Variants in WFDC10B observed in about 807,000 individuals in gnomAD.
WFDC10B encodes the protein WAP four-disulfide core domain 10B, also known as protein WFDC10B.
A neutral mutation model predicts 2.7 loss-of-function variants in WFDC10B; 1 was observed. The observed-to-expected ratio is 0.38, with a 90% CI of 0.13 to 1.79. The LOEUF (loss-of-function observed/expected upper bound fraction) is 1.79. Among genes scored for constraint, WFDC10B ranks in the 40% most tolerant of loss-of-function variants. The pLI is 0.33. For missense variants in WFDC10B, 71 were observed against 87.8 expected (o/e 0.81, Z 0.76); for synonymous variants, 26 against 32.2 (o/e 0.81, Z 0.65).
chr20:45,685,662 T>C (rs1381199505), intron 3 of WFDC10B, among the ~76,000 whole-genome samples: 1 of 152,242 alleles, frequency 6.6e-6, no homozygotes, highest in Non-Finnish European at 1.5e-5. Flanking sequence ...CATTTGTCTC[T>C]AAGTACTGGG....
At chr20:45,691,169 G>A (rs1983800383) in intron 2 of WFDC10B, among the ~76,000 whole-genome samples, 1 of 152,162 alleles carries the variant, frequency 6.6e-6, no homozygotes, top group Admixed American at 6.5e-5. Context: ...TTAATGCTGA[G>A]TTCTAGTTTG....
At chr20:45,704,167 T>C (rs903727686) in intron 2 of WFDC10B, among the ~76,000 whole-genome samples, 1 of 152,146 alleles carries the variant, frequency 6.6e-6, no homozygotes, top group African/African-American at 2.4e-5. Context: ...CCATAGTCAA[T>C]GGGGGCTTGG....
intron 2 of WFDC10B, among the ~76,000 whole-genome samples, chr20:45,693,298 G>T (rs935393097): frequency 1.3e-5 from 2 of 152,242 alleles, no homozygotes; most frequent in African/African-American, 4.8e-5. Context: ...CACTTGAGGA[G>T]GCAGTCTGCC....
chr20:45,691,765 C>T (rs1983820808), intron 2 of WFDC10B, among the ~76,000 whole-genome samples: 1 of 152,172 alleles, frequency 6.6e-6, no homozygotes, highest in Non-Finnish European at 1.5e-5. Flanking sequence ...GAATACAACA[C>T]ACTGATGGGT....
chr20:45,704,444 A>G (rs754205891), intron 2 of WFDC10B, 53 bp downstream of exon 2: 62 of 1,612,826 alleles, frequency 3.8e-5, no homozygotes, highest in Non-Finnish European at 5.2e-5. Flanking sequence ...TGTGTTCCAG[A>G]GTATATCTTG....
chr20:45,702,248 A>T, intron 2 of WFDC10B: 2 of 1,582,992 alleles, frequency 1.3e-6, no homozygotes, highest in Non-Finnish European at 1.7e-6. Context: ...GGGAAGTAAC[A>T]TGTGTGGATA....
chr20:45,684,730 C>CT lies in WFDC10B; in HGVS notation c.*99dup. 4 of 1,511,666 alleles carry CT rather than the reference C, an allele frequency of 2.6e-6. No individual in the cohort carries two copies. The highest frequency in any genetic ancestry group is 3.6e-6 in the Non-Finnish European group (4 of 1,112,588). 93.6% of individuals were successfully genotyped at this position (1,511,666 alleles called of 1,614,324 possible). A position where few individuals can be genotyped will look rare whatever the true frequency, so the allele number is the denominator to read the frequency against. On this transcript the variant is annotated 3_prime_UTR_variant, in exon 4 of 4. Transcript: ENST00000330523. Reference sequence around the variant, plus strand: ...GGAGGGTGGCATTCCTGTTGATGTTCTTGTGCTGATGATTTGATGTCCTTG... The same window carrying CT: ...GGAGGGTGGCATTCCTGTTGATGTTCTTTGTGCTGATGATTTGATGTCCTTG...
intron 2 of WFDC10B, among the ~76,000 whole-genome samples, chr20:45,688,189 G>A (rs1363644689): frequency 6.6e-6 from 1 of 151,792 alleles, no homozygotes; most frequent in Non-Finnish European, 1.5e-5. Flanking sequence ...CCATGTCCCT[G>A]CAAAGGACAT....
At chr20:45,698,739 G>A (rs1984051594) in intron 2 of WFDC10B, among the ~76,000 whole-genome samples, 1 of 152,112 alleles carries the variant, frequency 6.6e-6, no homozygotes, top group Non-Finnish European at 1.5e-5. Context: ...GGCCAAAGCA[G>A]GTGGATCACC....
At position 45,685,941 on chromosome 20, in the gene WFDC10B, G is replaced by A; in HGVS notation, c.52C>T (p.Gln18Ter). 1 of 1,613,994 alleles carries A rather than the reference G, an allele frequency of 6.2e-7. No homozygotes were observed. Among genetic ancestry groups the A allele is most frequent in the Non-Finnish European group, 8.5e-7 (1 of 1,179,952 alleles). Residue 18 changes from glutamine to a stop codon, truncating the protein, a stop_gained, in exon 3 of 4, where the codon CAG becomes TAG. Transcript: ENST00000330523. LOFTEE classifies it low-confidence loss of function (END_TRUNC). ...LVLVLCVLLL[Q>*]AQGGYRDKMR... ...TTGTCACGGTATCCTCCCTGGGCCT[G>A]CAGCAGCAGCACACAGAGAACCAGG...
At chr20:45,687,641 G>A (rs1413962145) in intron 2 of WFDC10B, among the ~76,000 whole-genome samples, 2 of 152,104 alleles carry the variant, frequency 1.3e-5, no homozygotes, top group African/African-American at 2.4e-5. Flanking sequence ...GCATGAAAGC[G>A]TTCCTATTTC....
chr20:45,694,403 C>T (rs1421162016), intron 2 of WFDC10B, among the ~76,000 whole-genome samples: 1 of 152,068 alleles, frequency 6.6e-6, no homozygotes, highest in Non-Finnish European at 1.5e-5. Flanking sequence ...AAACAAAATA[C>T]ACATTGTGTC....
At chr20:45,704,823 T>C (rs1025528508) in intron 1 of WFDC10B, 95 bp downstream of exon 1, 2 of 1,414,028 alleles carry the variant, frequency 1.4e-6, no homozygotes, top group Non-Finnish European at 2.0e-6. Flanking sequence ...TATCCGTGAA[T>C]TTCTGACTCT....
At chr20:45,699,309 CA>C (rs1372656000) in intron 2 of WFDC10B, among the ~76,000 whole-genome samples, 4 of 152,034 alleles carry the variant, frequency 2.6e-5, no homozygotes, top group Non-Finnish European at 5.9e-5. Context: ...AATATATACT[CA>C]AAAAAATATT....
At chr20:45,702,994 G>T (rs1223039473) in intron 2 of WFDC10B, among the ~76,000 whole-genome samples, 1 of 152,196 alleles carries the variant, frequency 6.6e-6, no homozygotes, top group African/African-American at 2.4e-5. Flanking sequence ...AGGCATGCAG[G>T]TTTGTAGGAC....
At chr20:45,692,162 T>C (rs1261458687) in intron 2 of WFDC10B, among the ~76,000 whole-genome samples, 1 of 152,058 alleles carries the variant, frequency 6.6e-6, no homozygotes, top group African/African-American at 2.4e-5. Flanking sequence ...TGAATATTGG[T>C]CCCCACTCTC....
intron 2 of WFDC10B, among the ~76,000 whole-genome samples, chr20:45,688,852 C>T (rs1361616380): frequency 6.6e-6 from 1 of 152,092 alleles, no homozygotes; most frequent in Admixed American, 6.6e-5. Context: ...TAATTAGATC[C>T]CATTTGTCAA....
At chr20:45,696,306 A>G (rs1216436975) in intron 2 of WFDC10B, among the ~76,000 whole-genome samples, 1 of 150,880 alleles carries the variant, frequency 6.6e-6, no homozygotes, top group Non-Finnish European at 1.5e-5. Flanking sequence ...AAAAAAAAAA[A>G]GATCTCAAAT....
At chr20:45,696,285 CAAAAAAA>C (rs368423161) in intron 2 of WFDC10B, among the ~76,000 whole-genome samples, 16 of 48,206 alleles carry the variant, frequency 3.3e-4, no homozygotes, top group Admixed American at 2.1e-4. Context: ...GACTCCGTCT[CAAAAAAA>C]AAAAAAAAAA....
Sources: allele counts gnomAD v4.1 joint callset (sites outside exome capture counted in the v4.1 genomes callset), GRCh38; gene constraint gnomAD v4.1.1; transcripts MANE v1.5; gene names NCBI Gene and HGNC (gene_info 2026-07-23, HGNC 2026-07-21).